ERBIN: variants seen among roughly 807,000 people sequenced by gnomAD.
ERBIN encodes the protein densin-180-like protein.
In ERBIN, 60 loss-of-function variants were observed where a neutral mutation model predicts 158.4. That is an observed-to-expected ratio of 0.38 (90% CI 0.31 to 0.47). The LOEUF is 0.47. Among genes scored for constraint, ERBIN ranks in the 20% least tolerant of loss-of-function variants. The pLI is 0.99. For missense variants in ERBIN, 1,610 were observed against 1,648.0 expected (o/e 0.98, Z 0.40); for synonymous variants, 594 against 557.2 (o/e 1.07, Z -0.93).
chr5:66,055,732 T>C (rs1759519860), intron 21 of ERBIN, among the ~76,000 whole-genome samples: 1 of 152,184 alleles, frequency 6.6e-6, no homozygotes, highest in South Asian at 2.1e-4. Flanking sequence ...GCATTATCTT[T>C]CTTTCTTTAT....
chr5:65,933,695 C>G (rs75522581), intron 1 of ERBIN, among the ~76,000 whole-genome samples: 3 of 152,022 alleles, frequency 2.0e-5, no homozygotes, highest in Admixed American at 6.6e-5. Flanking sequence ...GTTATTTCCC[C>G]GACCCCAGCC....
chr5:66,075,779 T>TC (rs1241040674), intron 23 of ERBIN, among the ~76,000 whole-genome samples: 8 of 152,166 alleles, frequency 5.3e-5, no homozygotes, highest in Non-Finnish European at 1.2e-4. Flanking sequence ...AATTCTTGCA[T>TC]CTTTTTTTTT....
intron 15 of ERBIN, 34 bp from the exon 16 acceptor site, chr5:66,043,043 A>C: frequency 6.8e-7 from 1 of 1,481,016 alleles, no homozygotes; most frequent in Non-Finnish European, 9.3e-7. Flanking sequence ...TTACAGTAAA[A>C]TATAGTAGGT....
intron 16 of ERBIN, 128 bp downstream of exon 16, chr5:66,043,326 A>C: frequency 1.1e-6 from 1 of 884,554 alleles, no homozygotes; most frequent in Non-Finnish European, 1.7e-6. Context: ...AAGGCACTTG[A>C]AGTGTTATTG....
intron 1 of ERBIN, among the ~76,000 whole-genome samples, chr5:65,987,445 C>G (rs977053223): frequency 1.8e-4 from 27 of 151,002 alleles, no homozygotes; most frequent in Middle Eastern, 3.4e-3. Context: ...GCTTATAGTC[C>G]CAGCCACTCA....
intron 8 of ERBIN, among the ~76,000 whole-genome samples, 179 bp downstream of exon 8, chr5:66,021,564 G>A (rs1157982723): frequency 6.6e-6 from 1 of 151,968 alleles, no homozygotes; most frequent in Non-Finnish European, 1.5e-5. Context: ...CCAGACAGAT[G>A]AACTTCTGAC....
intron 1 of ERBIN, among the ~76,000 whole-genome samples, chr5:65,936,626 C>CAAAT (rs1254031518): frequency 1.3e-5 from 2 of 152,104 alleles, no homozygotes; most frequent in African/African-American, 4.8e-5. Flanking sequence ...TTCTGTCTTA[C>CAAAT]AAATGTCTAC....
In ERBIN at chr5:65,980,055, G is replaced by T. The variant is rs529657412; in HGVS notation, c.-57-8580G>T. On this transcript the variant is annotated intron_variant, in intron 1 of 25. Coordinates refer to ENST00000284037, the MANE Select transcript of ERBIN (RefSeq NM_001253697.2). ...TAGGATAGCTAAAAGTCCACAAAAG[G>T]AGATAAAATGGAGTAAAAGGAAAAC... is the stretch of plus-strand genomic sequence containing the variant. Among the ~76,000 whole-genome samples the T allele has an allele frequency of 5.3e-5, 8 of 152,246 alleles. No homozygotes were observed. In the South Asian group the frequency reaches 1.5e-3, roughly 28 times the overall value.
In ERBIN at chr5:66,073,326, G is replaced by C. The variant is rs1233394258; in HGVS notation, c.3756+1035G>C. On this transcript the variant is annotated intron_variant, in intron 22 of 25. Transcript: ENST00000284037. ...TGCAGAATTGTATGTAAGTAATAAA[G>C]CAACAGCAGAACCAGTTAATTACTC... Among the ~76,000 whole-genome samples the C allele has an allele frequency of 1.3e-5, 2 of 152,174 alleles. 1 individual carries two copies. Among genetic ancestry groups the C allele is most frequent in the Middle Eastern group, 6.3e-3 (2 of 316 alleles).
intron 4 of ERBIN, among the ~76,000 whole-genome samples, chr5:66,001,350 A>G (rs374006055): frequency 3.3e-5 from 5 of 152,286 alleles, no homozygotes; most frequent in African/African-American, 1.2e-4. Flanking sequence ...GGAAGGAGGC[A>G]GGAAATTTGT....
At chr5:66,059,747 AG>A (rs1341893655) in intron 21 of ERBIN, among the ~76,000 whole-genome samples, 9 of 152,282 alleles carry the variant, frequency 5.9e-5, no homozygotes, top group East Asian at 5.8e-4. Flanking sequence ...TTTACCATGA[AG>A]GGTTGTTGAA....
intron 1 of ERBIN, among the ~76,000 whole-genome samples, chr5:65,950,015 C>T (rs751736524): frequency 2.0e-5 from 3 of 151,414 alleles, no homozygotes; most frequent in Non-Finnish European, 2.9e-5. Flanking sequence ...GGTATTTCCC[C>T]GCTCCCCTGA....
chr5:66,036,860 G>C (rs952409713), intron 14 of ERBIN, among the ~76,000 whole-genome samples: 2 of 152,148 alleles, frequency 1.3e-5, no homozygotes, highest in Admixed American at 1.3e-4. Context: ...AGGTGTTCAG[G>C]GAACTGAGAG....
chr5:66,047,373 A>G (rs1013304630), intron 18 of ERBIN, among the ~76,000 whole-genome samples: 1 of 152,036 alleles, frequency 6.6e-6, no homozygotes, highest in East Asian at 1.9e-4. Context: ...CCATTCTTCA[A>G]TTAATGGACA....
chr5:65,980,154 A>AC (rs1750492919), intron 1 of ERBIN, among the ~76,000 whole-genome samples: 1 of 152,190 alleles, frequency 6.6e-6, no homozygotes, highest in Non-Finnish European at 1.5e-5. Context: ...GGTGGCTCAC[A>AC]CCTGTAATCC....
chr5:65,987,701 C>T (rs540721490), intron 1 of ERBIN, among the ~76,000 whole-genome samples: 3 of 151,992 alleles, frequency 2.0e-5, no homozygotes, highest in African/African-American at 7.2e-5. Context: ...AAGAGTTAGC[C>T]AGGTGTTGTG....
At chr5:66,014,176 A>G (rs16894719) in intron 6 of ERBIN, among the ~76,000 whole-genome samples, 2,623 of 152,276 alleles carry the variant, frequency 0.017, 71 homozygotes, top group African/African-American at 0.059. Flanking sequence ...TCTAAAAATC[A>G]TTGATGTACT....
chr5:66,059,262 A>G (rs1369113627), intron 21 of ERBIN, among the ~76,000 whole-genome samples: 4 of 152,090 alleles, frequency 2.6e-5, no homozygotes, highest in Non-Finnish European at 5.9e-5. Context: ...CATCCCTTGT[A>G]AGTTGGATTC....
intron 1 of ERBIN, among the ~76,000 whole-genome samples, chr5:65,932,698 C>A (rs540868366): frequency 1.3e-5 from 2 of 152,282 alleles, no homozygotes; most frequent in Non-Finnish European, 2.9e-5. Context: ...GAAGCTTGAT[C>A]TTTAAGCCCA....
Sources: allele counts gnomAD v4.1 joint callset (sites outside exome capture counted in the v4.1 genomes callset), GRCh38; gene constraint gnomAD v4.1.1; transcripts MANE v1.5; gene names NCBI Gene and HGNC (gene_info 2026-07-23, HGNC 2026-07-21).